Variants in LIPI observed in about 807,000 individuals in gnomAD.
The protein encoded by LIPI is lipase I, also known as lipase member I.
In LIPI, 59 loss-of-function variants were observed where a neutral mutation model predicts 50.6. The observed-to-expected ratio is 1.16, with a 90% CI of 0.94 to 1.45. LIPI has a LOEUF of 1.45. Among genes scored for constraint, LIPI ranks in the 40% most tolerant of loss-of-function variants. The pLI is 0.00. For missense variants in LIPI, 586 were observed against 536.3 expected, an observed-to-expected ratio of 1.09 and a Z score of -0.92; for synonymous variants, 203 against 178.2, an observed-to-expected ratio of 1.14 and a Z score of -1.11.
intron 9 of LIPI, among the ~76,000 whole-genome samples, chr21:14,118,797 A>T (rs1379968244): frequency 6.6e-6 from 1 of 152,260 alleles, no homozygotes; most frequent in African/African-American, 2.4e-5. Context: ...TACCTGGTGC[A>T]GATCTGTCAG....
chr21:14,162,096 GAT>G (rs142838075), intron 7 of LIPI, among the ~76,000 whole-genome samples: 1 of 147,688 alleles, frequency 6.8e-6, no homozygotes, highest in Non-Finnish European at 1.5e-5. Flanking sequence ...AATATGTATT[GAT>G]ATATATATCA....
intron 3 of LIPI, 32 bp downstream of exon 3, chr21:14,185,929 C>T: frequency 8.2e-7 from 1 of 1,223,126 alleles, no homozygotes. Flanking sequence ...TAAAAGTATG[C>T]TAAAGCAATA....
At chr21:14,187,252 A>T (rs1447628471) in intron 2 of LIPI, among the ~76,000 whole-genome samples, 1 of 152,094 alleles carries the variant, frequency 6.6e-6, no homozygotes, top group African/African-American at 2.4e-5. Context: ...GTGTACTTCC[A>T]CCACACTCTT....
intron 4 of LIPI, among the ~76,000 whole-genome samples, chr21:14,171,785 C>G (rs891774721): frequency 6.6e-6 from 1 of 151,704 alleles, no homozygotes; most frequent in Non-Finnish European, 1.5e-5. Context: ...CTAGGCAATA[C>G]CATTCAGGAC....
At chr21:14,178,765 C>T (rs966479082) in intron 4 of LIPI, among the ~76,000 whole-genome samples, 1 of 152,084 alleles carries the variant, frequency 6.6e-6, no homozygotes, top group Non-Finnish European at 1.5e-5. Context: ...CGCTGTCTTG[C>T]TCCAAGTGTG....
chr21:14,196,323 C>G (rs2123312472), intron 1 of LIPI, among the ~76,000 whole-genome samples: 2 of 152,096 alleles, frequency 1.3e-5, no homozygotes, highest in South Asian at 4.2e-4. Context: ...CAAAAAAGTA[C>G]ATATTTTAAA....
intron 9 of LIPI, among the ~76,000 whole-genome samples, chr21:14,124,031 G>C (rs566788662): frequency 9.2e-5 from 14 of 152,168 alleles, no homozygotes; most frequent in Admixed American, 3.3e-4. Context: ...CTCACTTTTT[G>C]GAGGATGGTT....
intron 9 of LIPI, among the ~76,000 whole-genome samples, chr21:14,124,211 C>T (rs949036045): frequency 1.3e-5 from 2 of 152,038 alleles, no homozygotes; most frequent in African/African-American, 4.8e-5. Context: ...ACAAAAATAC[C>T]AACCGATCCC....
intron 3 of LIPI, among the ~76,000 whole-genome samples, chr21:14,184,644 C>A (rs2019391544): frequency 6.6e-6 from 1 of 152,126 alleles, no homozygotes; most frequent in Admixed American, 6.6e-5. Flanking sequence ...TGATATAGAA[C>A]CTCCATGTTT....
At chr21:14,118,131 C>T (rs867789206) in intron 9 of LIPI, among the ~76,000 whole-genome samples, 1 of 151,962 alleles carries the variant, frequency 6.6e-6, no homozygotes, top group Admixed American at 6.6e-5. Flanking sequence ...CTGGACAGAG[C>T]CCCCTTCCGT....
At chr21:14,111,629 C>CT (rs1001612264) in intron 9 of LIPI, among the ~76,000 whole-genome samples, 1 of 151,774 alleles carries the variant, frequency 6.6e-6, no homozygotes, top group African/African-American at 2.4e-5. Context: ...CATTTGTTGC[C>CT]TGTGCTTTTG....
chr21:14,204,050 C>T (rs933087831), intron 1 of LIPI, among the ~76,000 whole-genome samples: 1 of 151,810 alleles, frequency 6.6e-6, no homozygotes, highest in Non-Finnish European at 1.5e-5. Flanking sequence ...ATCACATGGA[C>T]ACATGGGGGA....
At chr21:14,111,432 A>G (rs980184648) in intron 9 of LIPI, among the ~76,000 whole-genome samples, 4 of 151,938 alleles carry the variant, frequency 2.6e-5, no homozygotes, top group African/African-American at 9.7e-5. Flanking sequence ...ATTTTTAATT[A>G]GGTTATTTGT....
At chr21:14,137,091 G>A (rs1199654828) in intron 9 of LIPI, among the ~76,000 whole-genome samples, 1 of 152,110 alleles carries the variant, frequency 6.6e-6, no homozygotes, top group Admixed American at 6.6e-5. Context: ...TAAAAGGTCT[G>A]GAGTGCTGTC....
intron 9 of LIPI, among the ~76,000 whole-genome samples, chr21:14,131,202 G>A (rs778771439): frequency 4.6e-5 from 7 of 152,088 alleles, no homozygotes; most frequent in Non-Finnish European, 8.8e-5. Flanking sequence ...CACCCACCTC[G>A]GCCTCCCAAA....
intron 3 of LIPI, among the ~76,000 whole-genome samples, chr21:14,183,787 C>T (rs1352670456): frequency 1.3e-5 from 2 of 152,154 alleles, no homozygotes; most frequent in African/African-American, 4.8e-5. Flanking sequence ...TACCATCTCA[C>T]ACCAGTTAGA....
chr21:14,197,786 C>A (rs549108226), intron 1 of LIPI, among the ~76,000 whole-genome samples: 3 of 151,804 alleles, frequency 2.0e-5, no homozygotes, highest in Non-Finnish European at 4.4e-5. Context: ...TAAGATACTT[C>A]ACAAGAAGAT....
chr21:14,151,234 T>C (rs900740143), intron 8 of LIPI, among the ~76,000 whole-genome samples: 3 of 152,204 alleles, frequency 2.0e-5, no homozygotes, highest in Non-Finnish European at 2.9e-5. Flanking sequence ...CGTTTCAGAT[T>C]TTACCTGTGC....
intron 2 of LIPI, 61 bp from the exon 3 acceptor site, chr21:14,186,130 C>A (rs996129930): frequency 1.1e-6 from 1 of 903,676 alleles, no homozygotes; most frequent in Non-Finnish European, 1.9e-6. Context: ...AAATCATGCC[C>A]CCCTCATATA....
Sources: gnomAD v4.1 joint callset for allele counts (sites outside exome capture counted in the v4.1 genomes callset) on GRCh38, gnomAD v4.1.1 for gene constraint, MANE v1.5 for transcripts, NCBI Gene and HGNC (gene_info 2026-07-23, HGNC 2026-07-21) for gene names.